SCARA5: variants seen among roughly 807,000 people sequenced by gnomAD.
SCARA5 encodes the protein scavenger receptor class A, member 5 (putative).
Under a neutral mutation model 46.3 loss-of-function variants are expected in SCARA5, and 45 were observed. The observed-to-expected ratio is 0.97, with a 90% confidence interval of 0.76 to 1.24. The LOEUF is 1.24. SCARA5 is among the 50% of genes most tolerant of loss of function. SCARA5 has a pLI of 0.00. For synonymous variants in SCARA5, 333 were observed against 306.5 expected, an observed-to-expected ratio of 1.09 and a Z score of -0.90; for missense variants, 680 against 689.0, an observed-to-expected ratio of 0.99 and a Z score of 0.15.
intron 7 of SCARA5, among the ~76,000 whole-genome samples, chr8:27,890,313 G>T (rs1476153514): frequency 6.6e-6 from 1 of 152,236 alleles, no homozygotes; most frequent in Non-Finnish European, 1.5e-5. Context: ...ATAATACAGA[G>T]AGAAGACAGT....
At chr8:27,988,242 G>A (rs551254958) in intron 1 of SCARA5, among the ~76,000 whole-genome samples, 39 of 152,270 alleles carry the variant, frequency 2.6e-4, no homozygotes, top group African/African-American at 8.7e-4. Flanking sequence ...GGTGGGGCCC[G>A]AGGAGCAGGG....
chr8:27,879,312 G>C (rs914458766), intron 8 of SCARA5, among the ~76,000 whole-genome samples: 2 of 152,158 alleles, frequency 1.3e-5, no homozygotes, highest in Non-Finnish European at 2.9e-5. Flanking sequence ...ACAGGACTGG[G>C]AAGGGCTGGT....
At chr8:27,895,771 A>G (rs1483602990) in intron 7 of SCARA5, among the ~76,000 whole-genome samples, 1 of 152,150 alleles carries the variant, frequency 6.6e-6, no homozygotes, top group Non-Finnish European at 1.5e-5. Context: ...TATCTCCCGC[A>G]TTGTCACTGC....
intron 3 of SCARA5, among the ~76,000 whole-genome samples, chr8:27,950,826 C>T (rs543539971): frequency 3.3e-5 from 5 of 149,640 alleles, no homozygotes; most frequent in South Asian, 2.1e-4. Context: ...CCCATTCAAC[C>T]GATCGGAACG....
chr8:27,954,197 A>C (rs1488029599), intron 3 of SCARA5, among the ~76,000 whole-genome samples: 1 of 151,994 alleles, frequency 6.6e-6, no homozygotes, highest in Non-Finnish European at 1.5e-5. Flanking sequence ...GGGACCTTAA[A>C]CCAGGAAAAG....
intron 6 of SCARA5, among the ~76,000 whole-genome samples, chr8:27,905,733 C>G (rs538681431): frequency 7.6e-6 from 1 of 131,554 alleles, no homozygotes; most frequent in Non-Finnish European, 1.6e-5. Context: ...GAGACAGGGT[C>G]TCACTCTGTC....
intron 4 of SCARA5, among the ~76,000 whole-genome samples, chr8:27,919,102 AGAG>A (rs1259493543): frequency 9.0e-3 from 163 of 18,080 alleles, no homozygotes; most frequent in Middle Eastern, 0.026. Flanking sequence ...AGGAGAAGGA[AGAG>A]GAGGAGGAGG....
At chr8:27,936,078 C>T (rs1382019670) in intron 3 of SCARA5, among the ~76,000 whole-genome samples, 1 of 152,116 alleles carries the variant, frequency 6.6e-6, no homozygotes, top group African/African-American at 2.4e-5. Context: ...TTAGGAGGAG[C>T]CCAGAGCTTT....
intron 5 of SCARA5, among the ~76,000 whole-genome samples, chr8:27,907,489 T>C (rs1055160209): frequency 2.0e-5 from 3 of 151,898 alleles, no homozygotes; most frequent in Admixed American, 6.6e-5. Context: ...TCCAGTGCTG[T>C]TGTGAGTGAC....
At chr8:27,981,116 T>G (rs747712513) in intron 2 of SCARA5, among the ~76,000 whole-genome samples, 8 of 152,194 alleles carry the variant, frequency 5.3e-5, no homozygotes, top group Non-Finnish European at 1.2e-4. Context: ...ACCCGGGTTA[T>G]ATCATGTAAT....
Position 27,936,592 on chromosome 8 carries a change from TAAAAAAA to T in SCARA5, c.242-14354_242-14348del, listed in dbSNP as rs71222526. Among the ~76,000 whole-genome samples the T allele has an allele frequency of 6.4e-5, 2 of 31,314 alleles. 1 individual carries two copies. Among genetic ancestry groups the T allele is most frequent in the African/African-American group, 2.1e-4 (2 of 9,372 alleles). 20.5% of individuals were successfully genotyped at this position (31,314 alleles called of 152,430 possible). ...TGAGAGAGAAAGACTGTGTCTCCATTAAAAAAAAAAAAAAAAAAAGGTGGGGATGCTT... is the reference window on the plus strand; with the variant it reads ...TGAGAGAGAAAGACTGTGTCTCCATTAAAAAAAAAAAAGGTGGGGATGCTT... On this transcript the variant is annotated intron_variant, in intron 3 of 8. Coordinates refer to ENST00000354914, the MANE Select transcript of SCARA5 (RefSeq NM_173833.6).
At chr8:27,911,251 C>T (rs1807369661) in intron 4 of SCARA5, among the ~76,000 whole-genome samples, 2 of 151,244 alleles carry the variant, frequency 1.3e-5, no homozygotes, top group African/African-American at 4.9e-5. Context: ...ATCTCACCTG[C>T]CTTGTCCTCT....
At chr8:27,911,149 T>C (rs538472107) in intron 4 of SCARA5, among the ~76,000 whole-genome samples, 1 of 152,312 alleles carries the variant, frequency 6.6e-6, no homozygotes, top group South Asian at 2.1e-4. Context: ...GGTGGCTCAC[T>C]GCCCACTCCT....
chr8:27,977,021 A>T (rs1241399834), intron 2 of SCARA5, among the ~76,000 whole-genome samples: 4 of 152,182 alleles, frequency 2.6e-5, no homozygotes, highest in Non-Finnish European at 5.9e-5. Flanking sequence ...ACACAAATGT[A>T]CTGCTCACAG....
intron 6 of SCARA5, 89 bp downstream of exon 6, chr8:27,907,059 G>T: frequency 1.2e-6 from 1 of 861,576 alleles, no homozygotes; most frequent in South Asian, 1.8e-5. Flanking sequence ...GTGGCACAGT[G>T]AAGATAAGAG....
At chr8:27,896,219 G>A (rs1049464760) in intron 7 of SCARA5, among the ~76,000 whole-genome samples, 3 of 152,162 alleles carry the variant, frequency 2.0e-5, no homozygotes, top group Non-Finnish European at 4.4e-5. Flanking sequence ...CCTCCTTGCT[G>A]TACACCCTGT....
At chr8:27,890,439 G>C (rs1252568142) in intron 7 of SCARA5, among the ~76,000 whole-genome samples, 2 of 152,234 alleles carry the variant, frequency 1.3e-5, no homozygotes, top group African/African-American at 2.4e-5. Context: ...CTTGGAAATA[G>C]AGACCATGTC....
chr8:27,984,504 T>TCATTCATC (rs1563202253), intron 2 of SCARA5, among the ~76,000 whole-genome samples: 3 of 142,174 alleles, frequency 2.1e-5, no homozygotes, highest in African/African-American at 8.2e-5. Context: ...ATTTATTCAT[T>TCATTCATC]CATCTATCCA....
chr8:27,895,428 C>T (rs1807048358), intron 7 of SCARA5, among the ~76,000 whole-genome samples: 1 of 152,246 alleles, frequency 6.6e-6, no homozygotes. Flanking sequence ...GAGGGCATCG[C>T]TTTCAAAATG....
Sources: gnomAD v4.1 joint callset for allele counts (sites outside exome capture counted in the v4.1 genomes callset) on GRCh38, gnomAD v4.1.1 for gene constraint, MANE v1.5 for transcripts, NCBI Gene and HGNC (gene_info 2026-07-23, HGNC 2026-07-21) for gene names.